The following CENPP variants were observed in gnomAD, a reference collection of about 807,000 sequenced individuals.
The protein encoded by CENPP is centromere protein P.
CENPP carries 24 observed loss-of-function variants against 35.6 expected under a neutral mutation model. That is an observed-to-expected ratio of 0.67 (90% CI 0.49 to 0.95). The LOEUF is 0.95. CENPP is among the 40% of genes least tolerant of loss of function. CENPP has a pLI of 0.00. For synonymous variants in CENPP, 120 were observed against 125.5 expected, an observed-to-expected ratio of 0.96 and a Z score of 0.29; for missense variants, 332 against 345.3, an observed-to-expected ratio of 0.96 and a Z score of 0.31.
intron 3 of CENPP, among the ~76,000 whole-genome samples, chr9:92,338,804 T>C (rs1243279996): frequency 6.6e-6 from 1 of 152,106 alleles, no homozygotes; most frequent in Admixed American, 6.5e-5. Context: ...CCACAGCCAT[T>C]TGAATGCTCC....
At chr9:92,337,025 G>T (rs1352032159) in intron 2 of CENPP, among the ~76,000 whole-genome samples, 3 of 152,084 alleles carry the variant, frequency 2.0e-5, no homozygotes, top group Non-Finnish European at 4.4e-5. Context: ...TTTTGGTATA[G>T]TTGAAAACTT....
chr9:92,587,690 G>A (rs914973713), intron 5 of CENPP, among the ~76,000 whole-genome samples: 5 of 152,164 alleles, frequency 3.3e-5, no homozygotes, highest in Admixed American at 2.0e-4. Flanking sequence ...TGGTTGTTGG[G>A]GCCAAGGGAG....
At chr9:92,607,958 C>T (rs1343722312) in intron 5 of CENPP, among the ~76,000 whole-genome samples, 1 of 152,190 alleles carries the variant, frequency 6.6e-6, no homozygotes, top group Admixed American at 6.5e-5. Flanking sequence ...TGGCAACCAG[C>T]TGAACAAACA....
intron 5 of CENPP, among the ~76,000 whole-genome samples, chr9:92,567,655 A>G (rs1025244487): frequency 6.6e-6 from 1 of 152,090 alleles, no homozygotes; most frequent in Non-Finnish European, 1.5e-5. Flanking sequence ...AAACTAATGT[A>G]TTTCAAAGAA....
chr9:92,596,065 A>G (rs1215694026), intron 5 of CENPP, among the ~76,000 whole-genome samples: 1 of 152,150 alleles, frequency 6.6e-6, no homozygotes, highest in Non-Finnish European at 1.5e-5. Flanking sequence ...TGGCAGATTG[A>G]AACATACAGC....
chr9:92,496,471 T>C (rs1266748361), intron 5 of CENPP: 2 of 1,609,264 alleles, frequency 1.2e-6, no homozygotes, highest in East Asian at 2.2e-5. Context: ...AAATTTCTTC[T>C]GGAAGAATGT....
At chr9:92,527,290 C>T (rs1433725733) in intron 5 of CENPP, among the ~76,000 whole-genome samples, 1 of 152,180 alleles carries the variant, frequency 6.6e-6, no homozygotes, top group Non-Finnish European at 1.5e-5. Flanking sequence ...GGATTACAGG[C>T]ATGAGCCCCC....
intron 4 of CENPP, among the ~76,000 whole-genome samples, chr9:92,360,520 T>C (rs1841718927): frequency 6.6e-6 from 1 of 152,128 alleles, no homozygotes; most frequent in African/African-American, 2.4e-5. Flanking sequence ...TGAGCTGTGA[T>C]TATGCTATTG....
At chr9:92,571,344 A>T (rs886607478) in intron 5 of CENPP, among the ~76,000 whole-genome samples, 2 of 152,198 alleles carry the variant, frequency 1.3e-5, no homozygotes, top group Non-Finnish European at 2.9e-5. Context: ...TGTACCCATT[A>T]GTCATTCAGG....
At position 92,456,998 on chromosome 9, in the gene CENPP, TCTTA is replaced by T. The variant is rs1466605729; in HGVS notation, c.564+77143_564+77146del. 4.4e-6 allele frequency: 5 copies of T among 1,139,784 alleles called. No homozygotes were observed. The African/African-American group carries it at 8.1e-5, about 18-fold the overall frequency. 70.6% of individuals were successfully genotyped at this position (1,139,784 alleles called of 1,614,324 possible). On this transcript the variant is annotated intron_variant, in intron 5 of 7. Coordinates refer to ENST00000375587, the MANE Select transcript of CENPP (RefSeq NM_001012267.3). Reference sequence around the variant, plus strand: ...ATAACAAAGTGTTAAATACCGAATATCTTACTTTTTTGTTATGAAGAAAGGAATG... The same window carrying T: ...ATAACAAAGTGTTAAATACCGAATATCTTTTTTGTTATGAAGAAAGGAATG...
intron 5 of CENPP, chr9:92,527,836 A>AT (rs994911166): frequency 1.9e-5 from 3 of 154,090 alleles, no homozygotes; most frequent in African/African-American, 7.2e-5. Context: ...TAACTGACCT[A>AT]TTTTTTACAT....
chr9:92,434,388 C>CAAA lies in CENPP; in HGVS notation c.564+54544_564+54546dup, dbSNP rs57677848. On this transcript the variant is annotated intron_variant, in intron 5 of 7. Transcript: ENST00000375587. ...TAGGCAACTGGGCGAGACTCTGTCT[C>CAAA]AAAAAAAAAAAAAAAAATAGAATGA... is the stretch of plus-strand genomic sequence containing the variant. Among the ~76,000 whole-genome samples, 566 of 97,246 alleles carry CAAA rather than the reference C, an allele frequency of 5.8e-3. 5 individuals are homozygous for CAAA. The highest frequency in any genetic ancestry group is 0.011 in the South Asian group (30 of 2,674). 63.8% of individuals were successfully genotyped at this position (97,246 alleles called of 152,430 possible).
intron 5 of CENPP, among the ~76,000 whole-genome samples, chr9:92,411,185 G>A (rs1285048415): frequency 6.6e-6 from 1 of 152,106 alleles, no homozygotes; most frequent in Non-Finnish European, 1.5e-5. Context: ...TGTTAGCCAG[G>A]ATGGTCTCAG....
At chr9:92,597,251 T>C (rs983764728) in intron 5 of CENPP, among the ~76,000 whole-genome samples, 8 of 152,126 alleles carry the variant, frequency 5.3e-5, no homozygotes, top group South Asian at 2.1e-4. Flanking sequence ...ACTGTGAGGA[T>C]TGAATGAGCT....
chr9:92,383,261 A>G (rs1292207931), intron 5 of CENPP, among the ~76,000 whole-genome samples: 1 of 152,106 alleles, frequency 6.6e-6, no homozygotes, highest in African/African-American at 2.4e-5. Context: ...TGAGTCTTCT[A>G]TCTTTATTCT....
intron 5 of CENPP, chr9:92,385,223 C>T (rs1381719728): frequency 6.4e-6 from 1 of 156,962 alleles, no homozygotes; most frequent in African/African-American, 2.4e-5. Context: ...GGAACATGTA[C>T]CTTAAATGCT....
At chr9:92,359,574 C>T (rs751260750) in intron 4 of CENPP, among the ~76,000 whole-genome samples, 14 of 151,828 alleles carry the variant, frequency 9.2e-5, no homozygotes, top group South Asian at 2.1e-4. Context: ...CTTGATTGTT[C>T]GGCTCTTAGA....
chr9:92,425,980 T>C (rs138238840), intron 5 of CENPP, among the ~76,000 whole-genome samples: 9 of 152,332 alleles, frequency 5.9e-5, no homozygotes, highest in East Asian at 1.9e-4. Context: ...AACTCTGTGA[T>C]TTGGATTTAT....
At chr9:92,517,963 G>T in intron 5 of CENPP, 1 of 1,450,876 alleles carries the variant, frequency 6.9e-7, no homozygotes, top group Non-Finnish European at 9.5e-7. Context: ...AAGTCAAACT[G>T]CTCTAACCAC....
Sources: allele counts gnomAD v4.1 joint callset (sites outside exome capture counted in the v4.1 genomes callset), GRCh38; gene constraint gnomAD v4.1.1; transcripts MANE v1.5; gene names NCBI Gene and HGNC (gene_info 2026-07-23, HGNC 2026-07-21).